KLF12: variants seen among roughly 807,000 people sequenced by gnomAD.
KLF12 encodes Krueppel-like factor 12.
Under a neutral mutation model 37.8 loss-of-function variants are expected in KLF12, and 9 were observed. The ratio of observed to expected loss-of-function variants is 0.24; its 90% CI spans 0.14 to 0.42. KLF12 has a LOEUF of 0.42. Among genes scored for constraint, KLF12 ranks in the 10% least tolerant of loss-of-function variants. The probability of loss-of-function intolerance (pLI) is 1.00; values close to 1 mark genes in which losing one functional copy is unlikely to be tolerated. For missense variants in KLF12, 411 were observed against 516.0 expected, an observed-to-expected ratio of 0.80 and a Z score of 1.97; for synonymous variants, 208 against 202.1, an observed-to-expected ratio of 1.03 and a Z score of -0.25.
chr13:73,760,146 G>A (rs9600163), intron 6 of KLF12, among the ~76,000 whole-genome samples: 17,383 of 152,032 alleles, frequency 0.11, 1,089 homozygotes, highest in Middle Eastern at 0.14. Context: ...ATTCACACCC[G>A]GAATGCATCA....
At chr13:73,952,059 T>C (rs1446446895) in intron 2 of KLF12, among the ~76,000 whole-genome samples, 1 of 152,220 alleles carries the variant, frequency 6.6e-6, no homozygotes, top group Non-Finnish European at 1.5e-5. Context: ...TAAAGAGATA[T>C]GAAATTCCCC....
rs145849663 is a variant in KLF12, at chr13:73,764,938, C to G, written c.869G>C (p.Cys290Ser). 4.5e-6 allele frequency: 7 copies of G among 1,541,636 alleles called. No individual in the cohort carries two copies. The African/African-American group carries it at 9.5e-5, about 21-fold the overall frequency. ...TACTCATATTAGACTGTATACTCACCAAGGAAACTTTTGATTATTCATTCG... is the reference window on the plus strand; with the variant it reads ...TACTCATATTAGACTGTATACTCACGAAGGAAACTTTTGATTATTCATTCG... The change falls in exon 6 of 8, where the codon TGT becomes TCT. Residue 290 changes from cysteine (C) to serine (S), a missense_variant and splice_region_variant. Around this residue, in one of 2 missense-constraint regions of KLF12, gnomAD observed 351 missense variants for 397.8 expected, o/e 0.88. Transcript: ENST00000377669.
chr13:73,740,203 T>C (rs1465115948), intron 6 of KLF12, among the ~76,000 whole-genome samples: 2 of 152,196 alleles, frequency 1.3e-5, no homozygotes, highest in South Asian at 2.1e-4. Context: ...TCATGAGTAT[T>C]AGTGCCCTTA....
chr13:73,952,133 C>T (rs1039338095), intron 2 of KLF12, among the ~76,000 whole-genome samples: 2 of 152,062 alleles, frequency 1.3e-5, no homozygotes, highest in African/African-American at 2.4e-5. Context: ...GGAGAAGTAA[C>T]TAGAGAAAAG....
At chr13:74,203,580 T>C in the KLF12 span, among the ~76,000 whole-genome samples, 1 of 152,058 alleles carries the variant, frequency 6.6e-6, no homozygotes, top group African/African-American at 2.4e-5. Flanking sequence ...TTGAGATGTA[T>C]CATGGTGAAA....
At chr13:74,277,607 C>T in the KLF12 span, among the ~76,000 whole-genome samples, 11 of 152,190 alleles carry the variant, frequency 7.2e-5, no homozygotes, top group South Asian at 4.2e-4. Context: ...GGCTCAGGGG[C>T]GGTAATCATA....
At chr13:73,908,434 C>T (rs1888414566) in intron 3 of KLF12, among the ~76,000 whole-genome samples, 1 of 149,980 alleles carries the variant, frequency 6.7e-6, no homozygotes, top group African/African-American at 2.5e-5. Context: ...AAAAAATTAA[C>T]CTTTCTGATT....
intron 3 of KLF12, among the ~76,000 whole-genome samples, chr13:73,931,648 T>C (rs1455377675): frequency 6.6e-6 from 1 of 152,186 alleles, no homozygotes. Context: ...AATAATGTTA[T>C]TTTGCAAAAT....
At chr13:74,124,107 T>G (rs1393505642) in intron 1 of KLF12, among the ~76,000 whole-genome samples, 1 of 152,242 alleles carries the variant, frequency 6.6e-6, no homozygotes, top group African/African-American at 2.4e-5. Flanking sequence ...CCTAAAGCCT[T>G]GGTATAATTC....
At chr13:74,271,444 A>C in the KLF12 span, among the ~76,000 whole-genome samples, 1 of 152,292 alleles carries the variant, frequency 6.6e-6, no homozygotes, top group South Asian at 2.1e-4. Flanking sequence ...GACAGTAAAA[A>C]AGTGAAAAAT....
At position 73,689,587 on chromosome 13, in the gene KLF12, C is replaced by T. The variant is rs1435686037; in HGVS notation, c.*5903G>A. The stretch of plus-strand genomic sequence containing the variant: ...AACCTGTGAGCTTCTGAATGTGCAT[C>T]TGGTAATTTTTAGGACTAACTGCAA... On this transcript the variant is annotated 3_prime_UTR_variant, in exon 8 of 8. Transcript: ENST00000377669. 1.3e-5 allele frequency: 2 copies of T among 152,158 alleles called. No individual in the cohort carries two copies. Among genetic ancestry groups the T allele is most frequent in the African/African-American group, 2.4e-5 (1 of 41,444 alleles). The allele number at this position is 152,158 out of a possible 1,614,324, so 9.4% of individuals were successfully genotyped here.
intron 2 of KLF12, among the ~76,000 whole-genome samples, chr13:73,991,394 C>A (rs375932679): frequency 6.6e-6 from 1 of 152,178 alleles, no homozygotes; most frequent in Non-Finnish European, 1.5e-5. Context: ...GAGGGCACTT[C>A]GATTTCTGAA....
At chr13:73,904,991 T>C (rs752504173) in intron 3 of KLF12, among the ~76,000 whole-genome samples, 3 of 151,856 alleles carry the variant, frequency 2.0e-5, no homozygotes, top group African/African-American at 2.4e-5. Context: ...ACAGATGTCA[T>C]GGTAATTTCA....
At chr13:74,081,445 G>A (rs1266601639) in intron 1 of KLF12, among the ~76,000 whole-genome samples, 1 of 151,996 alleles carries the variant, frequency 6.6e-6, no homozygotes, top group African/African-American at 2.4e-5. Flanking sequence ...ACTGATTTTT[G>A]TTTCTACTCC....
chr13:74,293,153 T>C, the KLF12 span, among the ~76,000 whole-genome samples: 1 of 152,044 alleles, frequency 6.6e-6, no homozygotes, highest in African/African-American at 2.4e-5. Context: ...ATTATACGAA[T>C]GAGATGTTAA....
intron 1 of KLF12, among the ~76,000 whole-genome samples, chr13:73,999,649 A>C (rs572222430): frequency 6.6e-6 from 1 of 151,976 alleles, no homozygotes; most frequent in Non-Finnish European, 1.5e-5. Context: ...CTGAGGCAGG[A>C]GAATGGTGTG....
intron 3 of KLF12, among the ~76,000 whole-genome samples, chr13:73,871,062 C>T (rs1886438660): frequency 6.6e-6 from 1 of 152,188 alleles, no homozygotes; most frequent in African/African-American, 2.4e-5. Context: ...GCATCAAGCT[C>T]CTCAACATTA....
intron 2 of KLF12, among the ~76,000 whole-genome samples, chr13:73,989,465 T>A (rs1180211999): frequency 1.3e-5 from 2 of 152,232 alleles, no homozygotes; most frequent in African/African-American, 4.8e-5. Context: ...ACACAGGCAC[T>A]GCCTTTTGTG....
intron 5 of KLF12, among the ~76,000 whole-genome samples, chr13:73,805,507 C>G (rs1001599964): frequency 6.6e-6 from 1 of 151,328 alleles, no homozygotes; most frequent in Non-Finnish European, 1.5e-5. Flanking sequence ...GTCTCAGCTA[C>G]TTGAAGTCTA....
Sources: allele counts gnomAD v4.1 joint callset (sites outside exome capture counted in the v4.1 genomes callset), GRCh38; gene constraint gnomAD v4.1.1; regional missense constraint gnomAD v4.1.1; transcripts MANE v1.5; gene names NCBI Gene and HGNC (gene_info 2026-07-23, HGNC 2026-07-21).